NELL2: variants seen among roughly 807,000 people sequenced by gnomAD.
NELL2 encodes the protein neural EGFL like 2.
A neutral mutation model predicts 109.6 loss-of-function variants in NELL2; 41 were observed. The observed-to-expected ratio is 0.37, with a 90% CI of 0.29 to 0.49. The LOEUF (loss-of-function observed/expected upper bound fraction) is 0.49. Ranked by LOEUF, NELL2 falls within the 20% of genes least tolerant of loss-of-function variation. NELL2 has a pLI of 0.98. For missense variants in NELL2, 900 were observed against 1,008.3 expected (o/e 0.89, Z 1.45); for synonymous variants, 355 against 344.7 (o/e 1.03, Z -0.33).
intron 10 of NELL2, among the ~76,000 whole-genome samples, chr12:44,713,313 A>T (rs879847312): frequency 6.6e-6 from 1 of 151,610 alleles, no homozygotes; most frequent in Admixed American, 6.6e-5. Flanking sequence ...TAGAACCAAA[A>T]TTTTAATGTT....
chr12:44,556,378 G>A (rs1943256462), intron 15 of NELL2, among the ~76,000 whole-genome samples: 1 of 152,180 alleles, frequency 6.6e-6, no homozygotes, highest in Middle Eastern at 3.2e-3. Flanking sequence ...TTGGGGGAGT[G>A]TGTGAGATCA....
At chr12:44,562,674 C>T (rs528622734) in intron 15 of NELL2, among the ~76,000 whole-genome samples, 23 of 152,282 alleles carry the variant, frequency 1.5e-4, no homozygotes, top group African/African-American at 5.3e-4. Flanking sequence ...ACAACAGATG[C>T]TGGAGAGGAT....
chr12:44,725,682 A>G (rs562694606), intron 9 of NELL2, among the ~76,000 whole-genome samples: 2 of 152,330 alleles, frequency 1.3e-5, no homozygotes, highest in African/African-American at 2.4e-5. Context: ...CATAAAAACA[A>G]TATCATGTCT....
At chr12:44,686,674 G>T (rs7958086) in intron 12 of NELL2, among the ~76,000 whole-genome samples, 1 of 148,946 alleles carries the variant, frequency 6.7e-6, no homozygotes, top group Non-Finnish European at 1.5e-5. Context: ...GTACCCGGCC[G>T]TGTGAGGTGT....
At position 44,816,455 on chromosome 12, in the gene NELL2, C is replaced by T. The variant is rs73277300; in HGVS notation, c.185-319G>A. On this transcript the variant is annotated intron_variant, in intron 2 of 19. Transcript: ENST00000429094. ...GTTTTCTCTACACAATTCCTATATT[C>T]TAGATAACACAGCAACATCAGTGTC... is the stretch of plus-strand genomic sequence containing the variant. Among the ~76,000 whole-genome samples the T allele has an allele frequency of 4.2e-3, 644 of 152,190 alleles. 4 individuals are homozygous for T. The highest frequency in any genetic ancestry group is 0.014 in the African/African-American group (592 of 41,504).
chr12:44,827,023 T>C (rs1681684514), intron 2 of NELL2, among the ~76,000 whole-genome samples: 1 of 152,216 alleles, frequency 6.6e-6, no homozygotes, highest in African/African-American at 2.4e-5. Flanking sequence ...ACATAAACTA[T>C]AGAGAGTAAA....
intron 11 of NELL2, 37 bp from the exon 12 acceptor site, chr12:44,703,891 A>C: frequency 6.4e-7 from 1 of 1,560,052 alleles, no homozygotes; most frequent in East Asian, 2.3e-5. Flanking sequence ...AGGTAAATGA[A>C]ACTATGACAA....
chr12:44,827,507 T>C (rs951247370), intron 2 of NELL2, among the ~76,000 whole-genome samples: 1 of 150,740 alleles, frequency 6.6e-6, no homozygotes, highest in Non-Finnish European at 1.5e-5. Context: ...AGCATCCTTC[T>C]ACTCTCTATC....
chr12:44,678,851 C>T (rs192775508), intron 12 of NELL2, among the ~76,000 whole-genome samples: 3 of 151,808 alleles, frequency 2.0e-5, no homozygotes, highest in Admixed American at 6.6e-5. Context: ...GAGAGTAGTA[C>T]GGAGGGGATA....
chr12:44,575,779 C>T (rs1944051984), intron 15 of NELL2, among the ~76,000 whole-genome samples: 1 of 152,114 alleles, frequency 6.6e-6, no homozygotes. Context: ...TTGAATAGAC[C>T]TTCTGATTTT....
chr12:44,707,294 T>C (rs1937939381), intron 11 of NELL2, among the ~76,000 whole-genome samples: 1 of 152,174 alleles, frequency 6.6e-6, no homozygotes, highest in African/African-American at 2.4e-5. Flanking sequence ...GGGGGTTTTA[T>C]TCAGTGTATG....
intron 2 of NELL2, among the ~76,000 whole-genome samples, chr12:44,852,096 T>C (rs1944550860): frequency 6.6e-6 from 1 of 152,208 alleles, no homozygotes. Context: ...GTTCTCTCCA[T>C]TTAATCCACT....
intron 12 of NELL2, among the ~76,000 whole-genome samples, chr12:44,677,058 C>A (rs745371137): frequency 4.6e-5 from 7 of 152,112 alleles, no homozygotes; most frequent in Non-Finnish European, 7.4e-5. Flanking sequence ...CCCAGTCTTA[C>A]AAACAGGGAG....
At chr12:44,731,376 C>T (rs1939360828) in intron 9 of NELL2, among the ~76,000 whole-genome samples, 2 of 151,684 alleles carry the variant, frequency 1.3e-5, no homozygotes, top group Admixed American at 6.6e-5. Flanking sequence ...TTCAACAGCG[C>T]AGTAGAAGGA....
chr12:44,904,657 ATTGT>A (rs1247477209), intron 1 of NELL2, among the ~76,000 whole-genome samples: 1 of 152,080 alleles, frequency 6.6e-6, no homozygotes, highest in Non-Finnish European at 1.5e-5. Context: ...GAGATTTGAG[ATTGT>A]TTGTTATAGC....
intron 13 of NELL2, among the ~76,000 whole-genome samples, chr12:44,662,163 A>G (rs780056580): frequency 6.6e-6 from 1 of 152,196 alleles, no homozygotes; most frequent in Non-Finnish European, 1.5e-5. Flanking sequence ...TTTGGAATAG[A>G]GTCAGAGGCC....
chr12:44,744,070 T>C (rs1011863846), intron 9 of NELL2, among the ~76,000 whole-genome samples: 1 of 151,884 alleles, frequency 6.6e-6, no homozygotes, highest in East Asian at 1.9e-4. Flanking sequence ...CCTCAGCAAA[T>C]GTAAAGGAAT....
chr12:44,603,040 T>A (rs1301969872), intron 15 of NELL2, among the ~76,000 whole-genome samples: 2 of 152,156 alleles, frequency 1.3e-5, no homozygotes, highest in South Asian at 2.1e-4. Context: ...GCAACACTCA[T>A]GTAGGCCTCA....
At chr12:44,598,450 G>A (rs1945058997) in intron 15 of NELL2, among the ~76,000 whole-genome samples, 1 of 151,902 alleles carries the variant, frequency 6.6e-6, no homozygotes, top group South Asian at 2.1e-4. Flanking sequence ...TTTTTCCTAT[G>A]TTCCTCCTCA....
Sources: gnomAD v4.1 joint callset for allele counts (sites outside exome capture counted in the v4.1 genomes callset) on GRCh38, gnomAD v4.1.1 for gene constraint, MANE v1.5 for transcripts, NCBI Gene and HGNC (gene_info 2026-07-23, HGNC 2026-07-21) for gene names.